Variants in CNKSR3 observed in about 807,000 individuals in gnomAD.
CNKSR3 encodes the protein CNKSR family member 3.
In CNKSR3, 36 loss-of-function variants were observed where a neutral mutation model predicts 67.7. The observed-to-expected ratio is 0.53, with a 90% confidence interval of 0.41 to 0.70. CNKSR3 has a LOEUF of 0.70. Ranked by LOEUF, CNKSR3 falls within the 30% of genes least tolerant of loss-of-function variation. CNKSR3 has a pLI of 0.00. For missense variants in CNKSR3, 630 were observed against 695.2 expected (o/e 0.91, Z 1.05); for synonymous variants, 281 against 271.4 (o/e 1.04, Z -0.35).
At chr6:154,410,573 T>C in intron 11 of CNKSR3, 141 bp from the exon 12 acceptor site, 1 of 622,326 alleles carries the variant, frequency 1.6e-6, no homozygotes, top group Non-Finnish European at 2.8e-6. Context: ...ATAAAAGTAT[T>C]TTAAAGCACT....
intron 9 of CNKSR3, among the ~76,000 whole-genome samples, chr6:154,416,445 C>G (rs1742437176): frequency 6.6e-6 from 1 of 152,180 alleles, no homozygotes; most frequent in Admixed American, 6.5e-5. Flanking sequence ...AATTTCGGAC[C>G]ATATCTGAAA....
chr6:154,414,952 G>T (rs1036646561), intron 9 of CNKSR3, among the ~76,000 whole-genome samples: 3 of 151,746 alleles, frequency 2.0e-5, no homozygotes, highest in Admixed American at 6.6e-5. Flanking sequence ...ATAAAAATTA[G>T]CCAGGCGTGG....
At chr6:154,479,330 G>A (rs541594418) in intron 1 of CNKSR3, among the ~76,000 whole-genome samples, 42 of 152,230 alleles carry the variant, frequency 2.8e-4, no homozygotes, top group Middle Eastern at 6.8e-3. Context: ...TCCCATGTCG[G>A]TGGAAGGGAG....
chr6:154,430,423 A>G lies in CNKSR3; in HGVS notation c.669+49T>C. 3 of 1,528,264 alleles carry G rather than the reference A, an allele frequency of 2.0e-6. No individual in the cohort carries two copies. The East Asian group carries it at 7.0e-5, about 36-fold the overall frequency. 94.7% of individuals were successfully genotyped at this position (1,528,264 alleles called of 1,614,324 possible). A position where few individuals can be genotyped will look rare whatever the true frequency, so the allele number is the denominator to read the frequency against. On this transcript the variant is annotated intron_variant, in intron 6 of 12. Coordinates refer to ENST00000607772, the MANE Select transcript of CNKSR3 (RefSeq NM_173515.4). ...AGGAATTTTTTTAAAAATTTAGTAA[A>G]TGATGATGTATGTTATCTGAAAATA...
chr6:154,427,403 T>G (rs1284446425), intron 7 of CNKSR3, among the ~76,000 whole-genome samples: 3 of 152,338 alleles, frequency 2.0e-5, no homozygotes, highest in East Asian at 3.8e-4. Context: ...TACATGCTTC[T>G]TTTGCACAGA....
intron 1 of CNKSR3, among the ~76,000 whole-genome samples, chr6:154,471,344 C>T (rs1348534502): frequency 1.3e-5 from 2 of 152,110 alleles, no homozygotes; most frequent in Non-Finnish European, 2.9e-5. Context: ...TCGAGACCAG[C>T]CTGGCCAACA....
chr6:154,446,830 T>C (rs377056679), intron 2 of CNKSR3, among the ~76,000 whole-genome samples: 1 of 142,350 alleles, frequency 7.0e-6, no homozygotes, highest in Non-Finnish European at 1.5e-5. Flanking sequence ...TTTGAGATGG[T>C]GTCTCACTCT....
rs2128710037 is a variant in CNKSR3 at position 154,406,276 on chromosome 6, A to C, written c.*78T>G. ...AGGTCCCTACATAATACTGAGGCTGAAACGAGAAGAGGCTGTCCACTGTAA... is the reference window on the plus strand; with the variant it reads ...AGGTCCCTACATAATACTGAGGCTGCAACGAGAAGAGGCTGTCCACTGTAA... On this transcript the variant is annotated 3_prime_UTR_variant, in exon 13 of 13. Coordinates refer to ENST00000607772, the MANE Select transcript of CNKSR3 (RefSeq NM_173515.4). The C allele has an allele frequency of 2.9e-6, 4 of 1,364,254 alleles. No homozygotes were observed. The East Asian group carries it at 9.9e-5, about 34-fold the overall frequency. The allele number at this position is 1,364,254 out of a possible 1,614,324, so 84.5% of individuals were successfully genotyped here. A position where few individuals can be genotyped will look rare whatever the true frequency, so the allele number is the denominator to read the frequency against.
rs373313069 is a variant in CNKSR3, at chr6:154,462,625, A to G, written c.53-12367T>C. 2.0e-3 allele frequency among the ~76,000 whole-genome samples: 302 copies of G among 152,164 alleles called. 2 individuals carry two copies. The highest frequency in any genetic ancestry group is 3.6e-3 in the Non-Finnish European group (247 of 67,998). ...CCGGCCACATTCTCCCCTAACCACT[A>G]TGCTGGATGCTGGCCAAGCACCTCG... On this transcript the variant is annotated intron_variant, in intron 1 of 12. Coordinates refer to ENST00000607772, the MANE Select transcript of CNKSR3 (RefSeq NM_173515.4).
At chr6:154,467,921 G>A (rs944119815) in intron 1 of CNKSR3, among the ~76,000 whole-genome samples, 6 of 151,380 alleles carry the variant, frequency 4.0e-5, no homozygotes, top group East Asian at 2.0e-4. Context: ...TACCACGCCC[G>A]GCTAATTTTT....
intron 1 of CNKSR3, among the ~76,000 whole-genome samples, chr6:154,481,730 G>A (rs574010296): frequency 6.6e-6 from 1 of 152,326 alleles, no homozygotes; most frequent in African/African-American, 2.4e-5. Flanking sequence ...AAAAAAATGA[G>A]TGACAGCAGG....
At chr6:154,460,686 C>CTA (rs141248966) in intron 1 of CNKSR3, among the ~76,000 whole-genome samples, 2,161 of 152,310 alleles carry the variant, frequency 0.014, 33 homozygotes, top group African/African-American at 0.039. Context: ...TTTGCCTCCT[C>CTA]TAGTGCAGCC....
rs1311105198 is a variant in CNKSR3 at position 154,393,706 on chromosome 6, T to C, written c.*12648A>G. 6 of 152,204 alleles carry C rather than the reference T, an allele frequency of 3.9e-5. No homozygotes were observed. The highest frequency in any genetic ancestry group is 7.3e-5 in the Non-Finnish European group (5 of 68,042). 9.4% of individuals were successfully genotyped at this position (152,204 alleles called of 1,614,324 possible). On this transcript the variant is annotated 3_prime_UTR_variant, in exon 13 of 13. Transcript: ENST00000607772. ...TCTTTTGTACTCAGCCCTTTTACTG[T>C]CTTCTATAAGAAATCTTTCCCTATC...
At chr6:154,467,071 T>G (rs894349536) in intron 1 of CNKSR3, among the ~76,000 whole-genome samples, 11 of 152,114 alleles carry the variant, frequency 7.2e-5, no homozygotes, top group African/African-American at 2.7e-4. Flanking sequence ...AGATGGCCAC[T>G]GTTTCCAGTT....
chr6:154,387,956 A>G lies in CNKSR3; in HGVS notation c.*18398T>C, dbSNP rs1302158055. 6.6e-6 allele frequency: 1 copy of G among 152,212 alleles called. No individual in the cohort carries two copies. The highest frequency in any genetic ancestry group is 1.5e-5 in the Non-Finnish European group (1 of 68,036). The allele number at this position is 152,212 out of a possible 1,614,324, so 9.4% of individuals were successfully genotyped here. On this transcript the variant is annotated 3_prime_UTR_variant, in exon 13 of 13. Transcript: ENST00000607772. ...AGCAAATTTCCTGGATGTAAGGAAGAGAAAGGAGTTTCCAGAATTAAAATC... is the reference window on the plus strand; with the variant it reads ...AGCAAATTTCCTGGATGTAAGGAAGGGAAAGGAGTTTCCAGAATTAAAATC...
chr6:154,498,323 G>A (rs1302552915), intron 1 of CNKSR3, among the ~76,000 whole-genome samples: 1 of 151,450 alleles, frequency 6.6e-6, no homozygotes, highest in Non-Finnish European at 1.5e-5. Context: ...TTGCAAACTG[G>A]TCCATAGATA....
chr6:154,482,435 A>G (rs1786583854), intron 1 of CNKSR3, among the ~76,000 whole-genome samples: 1 of 152,198 alleles, frequency 6.6e-6, no homozygotes, highest in Non-Finnish European at 1.5e-5. Context: ...TGTTCCTAAG[A>G]GGCACTTAGA....
chr6:154,433,324 A>G, intron 5 of CNKSR3, 142 bp downstream of exon 5: 1 of 672,700 alleles, frequency 1.5e-6, no homozygotes, highest in South Asian at 1.7e-5. Context: ...TTTCTCTTCC[A>G]CCTAAATTTA....
At chr6:154,414,499 C>T in intron 9 of CNKSR3, 76 bp from the exon 10 acceptor site, 1 of 1,496,248 alleles carries the variant, frequency 6.7e-7, no homozygotes, top group Non-Finnish European at 9.1e-7. Flanking sequence ...ATTTCCCCTC[C>T]CCCAAACCAA....
Sources: gnomAD v4.1 joint callset for allele counts (sites outside exome capture counted in the v4.1 genomes callset) on GRCh38, gnomAD v4.1.1 for gene constraint, MANE v1.5 for transcripts, NCBI Gene and HGNC (gene_info 2026-07-23, HGNC 2026-07-21) for gene names.